CACNA1C: variants seen among roughly 807,000 people sequenced by gnomAD.
The protein encoded by CACNA1C is calcium voltage-gated channel subunit alpha1 C.
Under a neutral mutation model 229.0 loss-of-function variants are expected in CACNA1C, and 30 were observed. That is an observed-to-expected ratio of 0.13 (90% CI 0.10 to 0.18). CACNA1C has a LOEUF of 0.18. CACNA1C is among the 10% of genes least tolerant of loss of function. CACNA1C has a pLI of 1.00. For synonymous variants in CACNA1C, 1,114 were observed against 1,132.5 expected (o/e 0.98, Z 0.33); for missense variants, 1,658 against 2,845.0 (o/e 0.58, Z 9.49).
chr12:2,566,102 T>TA lies in CACNA1C; in HGVS notation c.1509-313dup, dbSNP rs914741496. Among the ~76,000 whole-genome samples the TA allele has an allele frequency of 7.5e-4, 114 of 152,308 alleles. 1 individual carries two copies. Among genetic ancestry groups the TA allele is most frequent in the African/African-American group, 2.6e-3 (110 of 41,566 alleles). On this transcript the variant is annotated intron_variant, in intron 11 of 46. Coordinates refer to ENST00000399655, the MANE Select transcript of CACNA1C (RefSeq NM_000719.7). The surrounding 1 kb of genome is among the most constrained non-coding windows in gnomAD (Gnocchi z 4.0). ...TCTAAGAATGCTGTTTCACAAAAAT[T>TA]AAAAAAACTTCCATTTATTGAGCAT...
At chr12:2,327,424 A>C (rs191468964) in intron 3 of CACNA1C, among the ~76,000 whole-genome samples, 156 of 152,276 alleles carry the variant, frequency 1.0e-3, no homozygotes, top group African/African-American at 3.6e-3. Flanking sequence ...TTTCTACTCA[A>C]AGAAAATGGG....
intron 9 of CACNA1C, among the ~76,000 whole-genome samples, chr12:2,542,189 A>G (rs1456770986): frequency 1.3e-5 from 2 of 152,206 alleles, no homozygotes; most frequent in Admixed American, 1.3e-4. Flanking sequence ...TCCTTTGCCA[A>G]AACCCCTTCT....
intron 9 of CACNA1C, among the ~76,000 whole-genome samples, chr12:2,537,192 T>G (rs2099857803): frequency 6.6e-6 from 1 of 152,202 alleles, no homozygotes; most frequent in African/African-American, 2.4e-5. Context: ...TTACCCTTGC[T>G]CTCCCATGAC....
intron 34 of CACNA1C, 36 bp downstream of exon 34, chr12:2,655,274 C>A: frequency 7.8e-7 from 1 of 1,282,770 alleles, no homozygotes; most frequent in Non-Finnish European, 1.1e-6. Flanking sequence ...CAGATACACA[C>A]ACACCTGCAT....
chr12:2,662,268 TAA>T (rs1384752895), intron 34 of CACNA1C, among the ~76,000 whole-genome samples: 1 of 145,748 alleles, frequency 6.9e-6, no homozygotes, highest in Non-Finnish European at 1.5e-5. Flanking sequence ...ACAGGAAAAA[TAA>T]ATCAAAGGAT....
intron 3 of CACNA1C, among the ~76,000 whole-genome samples, chr12:2,437,434 G>A (rs1340471241): frequency 1.3e-5 from 2 of 152,090 alleles, no homozygotes; most frequent in East Asian, 3.8e-4. Flanking sequence ...CAAACAATGG[G>A]AAAAAAACAT....
rs998217137 is a variant in CACNA1C at position 2,695,179 on chromosome 12, G to A, written c.*3980G>A. ...AATGTCAGCACAGAGAGGACTGGGA[G>A]GAGAATGGAGGCAAGAAAAGGGCAT... On this transcript the variant is annotated 3_prime_UTR_variant, in exon 47 of 47. Coordinates refer to ENST00000399655, the MANE Select transcript of CACNA1C (RefSeq NM_000719.7). 6 of 152,230 alleles carry A rather than the reference G, an allele frequency of 3.9e-5. No individual in the cohort carries two copies. Among genetic ancestry groups the A allele is most frequent in the African/African-American group, 1.4e-4 (6 of 41,446 alleles). The allele number at this position is 152,230 out of a possible 1,614,324, so 9.4% of individuals were successfully genotyped here.
At chr12:2,332,304 GTCTTTC>G (rs2096571583) in intron 3 of CACNA1C, among the ~76,000 whole-genome samples, 1 of 152,160 alleles carries the variant, frequency 6.6e-6, no homozygotes, top group Non-Finnish European at 1.5e-5. Context: ...CTATGTGAGT[GTCTTTC>G]TCTGTTCTTG....
chr12:2,416,438 A>T (rs886829445), intron 3 of CACNA1C, among the ~76,000 whole-genome samples: 2 of 152,108 alleles, frequency 1.3e-5, no homozygotes, highest in Non-Finnish European at 1.5e-5. Context: ...GGAAGGAAGG[A>T]GTGGGGGACG....
chr12:2,574,196 G>A (rs1027499334), intron 13 of CACNA1C, among the ~76,000 whole-genome samples: 10 of 152,206 alleles, frequency 6.6e-5, no homozygotes, highest in African/African-American at 1.7e-4. Context: ...CGCATGGCCG[G>A]AATCTTTGTC....
chr12:2,682,103 C>A, intron 42 of CACNA1C: 2 of 1,049,284 alleles, frequency 1.9e-6, no homozygotes, highest in Non-Finnish European at 2.9e-6. Context: ...GTGTCAGAAT[C>A]AAGGGCACCA....
rs557719981 is a variant in CACNA1C at position 2,512,570 on chromosome 12, C to T, written c.1218-242C>T. Among the ~76,000 whole-genome samples, 4 of 152,246 alleles carry T rather than the reference C, an allele frequency of 2.6e-5. No homozygotes were observed. In the South Asian group the frequency reaches 8.3e-4, roughly 32 times the overall value. On this transcript the variant is annotated intron_variant, in intron 8 of 46. Transcript: ENST00000399655. This position sits in a 1 kb window ranked among gnomAD's most constrained non-coding sequence, Gnocchi z 4.3. ...ACTTCATCCATCCCCTTAAGCCTCT[C>T]CTGGCCAGTGTCAGGAATGTCCCCT... is the stretch of plus-strand genomic sequence containing the variant.
chr12:2,305,573 A>C (rs1310503792), intron 3 of CACNA1C, among the ~76,000 whole-genome samples: 2 of 152,230 alleles, frequency 1.3e-5, no homozygotes, highest in African/African-American at 4.8e-5. Context: ...AGGCAGATGC[A>C]GAGGGTATGC....
At chr12:2,638,854 C>T (rs1169112406) in intron 30 of CACNA1C, among the ~76,000 whole-genome samples, 2 of 152,092 alleles carry the variant, frequency 1.3e-5, no homozygotes, top group African/African-American at 2.4e-5. Flanking sequence ...ACAGTTTTGA[C>T]GTATCTGTTA....
chr12:2,616,658 G>C (rs1025366606), intron 29 of CACNA1C, among the ~76,000 whole-genome samples: 8 of 152,368 alleles, frequency 5.3e-5, no homozygotes, highest in African/African-American at 1.7e-4. Flanking sequence ...TTCCACAGTC[G>C]ATTGGACTTC....
intron 3 of CACNA1C, among the ~76,000 whole-genome samples, chr12:2,204,613 AT>A (rs2097696682): frequency 6.6e-6 from 1 of 151,624 alleles, no homozygotes; most frequent in Non-Finnish European, 1.5e-5. Context: ...CTATGCAGCC[AT>A]AAAAAATGAT....
chr12:1,982,259 G>A (rs1371801471), intron 1 of CACNA1C, among the ~76,000 whole-genome samples: 1 of 152,084 alleles, frequency 6.6e-6, no homozygotes, highest in Non-Finnish European at 1.5e-5. Flanking sequence ...TTTAAAATAT[G>A]CAGTTCAGTG....
chr12:2,221,292 C>A (rs10774034), intron 3 of CACNA1C, among the ~76,000 whole-genome samples: 2 of 152,052 alleles, frequency 1.3e-5, no homozygotes, highest in Admixed American at 6.5e-5. Context: ...TTTTAGAATA[C>A]CATCATTCTG....
At position 2,584,585 on chromosome 12, in the gene CACNA1C, G is replaced by T; in HGVS notation, c.2307G>T (p.Glu769Asp). Residue 769 changes from glutamate (E) to aspartate (D), a missense_variant, in exon 16 of 47, where the codon GAG becomes GAT. Transcript: ENST00000399655. ...AESLTSAQKE[E>D]EEEKERKKLA... Reference sequence around the variant, plus strand: ...GCCTCACATCTGCCCAAAAGGAGGAGGAAGAGGAGAAGGAGAGAAAGAAGC... The same window carrying T: ...GCCTCACATCTGCCCAAAAGGAGGATGAAGAGGAGAAGGAGAGAAAGAAGC... 1 of 1,613,546 alleles carries T rather than the reference G, an allele frequency of 6.2e-7. No individual in the cohort carries two copies. The highest frequency in any genetic ancestry group is 8.5e-7 in the Non-Finnish European group (1 of 1,179,614).
Sources: allele counts gnomAD v4.1 joint callset (sites outside exome capture counted in the v4.1 genomes callset), GRCh38; gene constraint gnomAD v4.1.1; non-coding constraint Gnocchi (gnomAD v3.1); transcripts MANE v1.5; gene names NCBI Gene and HGNC (gene_info 2026-07-23, HGNC 2026-07-21).